The following KCNQ1 variants were observed in gnomAD, a reference collection of about 807,000 sequenced individuals.
KCNQ1 encodes the protein potassium voltage-gated channel subfamily KQT member 1.
Under a neutral mutation model 72.4 loss-of-function variants are expected in KCNQ1, and 49 were observed. That is an observed-to-expected ratio of 0.68 (90% confidence interval 0.54 to 0.86). The LOEUF (loss-of-function observed/expected upper bound fraction) is 0.86, where lower values mean the gene tolerates loss of function less well. Ranked by LOEUF, KCNQ1 falls within the 40% of genes least tolerant of loss-of-function variation. KCNQ1 has a pLI of 0.00. For synonymous variants in KCNQ1, 450 were observed against 412.6 expected (o/e 1.09, Z -1.10); for missense variants, 790 against 945.1 (o/e 0.84, Z 2.15).
chr11:2,675,746 G>A (rs1850282134), intron 11 of KCNQ1: 1 of 398,574 alleles, frequency 2.5e-6, no homozygotes, highest in Non-Finnish European at 4.4e-6. Flanking sequence ...AGAGTGACAT[G>A]AACCAGAGAC....
intron 2 of KCNQ1, among the ~76,000 whole-genome samples, chr11:2,561,074 C>T (rs867300614): frequency 4.0e-5 from 6 of 151,480 alleles, no homozygotes; most frequent in East Asian, 3.9e-4. Flanking sequence ...AGGTGGCGGG[C>T]GCCTGTAGTC....
intron 1 of KCNQ1, among the ~76,000 whole-genome samples, chr11:2,474,052 G>A (rs575226307): frequency 1.3e-5 from 2 of 152,340 alleles, no homozygotes; most frequent in East Asian, 1.9e-4. Flanking sequence ...GCCTCCTACC[G>A]CTGGCCCAGT....
At chr11:2,825,212 C>T (rs1847815404) in intron 15 of KCNQ1, among the ~76,000 whole-genome samples, 1 of 152,218 alleles carries the variant, frequency 6.6e-6, no homozygotes, top group African/African-American at 2.4e-5. Flanking sequence ...CCCGACCCTG[C>T]TGTCGGGCGT....
chr11:2,729,560 G>A (rs1845818051), intron 11 of KCNQ1, among the ~76,000 whole-genome samples: 1 of 152,232 alleles, frequency 6.6e-6, no homozygotes, highest in Non-Finnish European at 1.5e-5. Context: ...AAAATGTTTG[G>A]AAAGAAAGTT....
At chr11:2,696,394 T>C (rs1363986241) in intron 11 of KCNQ1, 1 of 398,574 alleles carries the variant, frequency 2.5e-6, no homozygotes, top group Non-Finnish European at 4.4e-6. Context: ...CTTTATCACA[T>C]GTCCCCTTCC....
intron 13 of KCNQ1, 151 bp from the exon 14 acceptor site, chr11:2,776,835 C>T: frequency 2.6e-6 from 2 of 764,944 alleles, no homozygotes; most frequent in Non-Finnish European, 4.6e-6. Context: ...TTGGGAGTGA[C>T]CTGGCAGGCC....
At chr11:2,709,524 G>A (rs998110694) in intron 11 of KCNQ1, among the ~76,000 whole-genome samples, 5 of 151,982 alleles carry the variant, frequency 3.3e-5, no homozygotes, top group Admixed American at 6.5e-5. Flanking sequence ...TAAAGTGTAC[G>A]ATTCAACGGT....
At chr11:2,511,057 A>G (rs1847191557) in intron 1 of KCNQ1, among the ~76,000 whole-genome samples, 2 of 151,774 alleles carry the variant, frequency 1.3e-5, no homozygotes. Flanking sequence ...GTGTTCATTT[A>G]CGGTTTATTT....
rs1042357791 is a variant in KCNQ1, at chr11:2,458,409, C to G, written c.386+12925C>G. 1.2e-4 allele frequency among the ~76,000 whole-genome samples: 19 copies of G among 152,344 alleles called. No individual in the cohort carries two copies. The highest frequency in any genetic ancestry group is 1.0e-3 in the Admixed American group (16 of 15,302). On this transcript the variant is annotated intron_variant, in intron 1 of 15. Transcript: ENST00000155840. This position sits in a 1 kb window ranked among gnomAD's most constrained non-coding sequence, Gnocchi z 4.6. ...GACATGTGTCCCAGTCGTGATTAAC[C>G]TGTGAACTGTAACTCGGGGAAACCC...
chr11:2,811,613 C>T (rs1266316525), intron 15 of KCNQ1, among the ~76,000 whole-genome samples: 1 of 152,248 alleles, frequency 6.6e-6, no homozygotes. Context: ...CTTCTGTGAT[C>T]GTCCTCCTTC....
At chr11:2,747,489 G>A (rs1846159337) in intron 11 of KCNQ1, among the ~76,000 whole-genome samples, 1 of 152,212 alleles carries the variant, frequency 6.6e-6, no homozygotes, top group African/African-American at 2.4e-5. Context: ...TGCTGGCCTG[G>A]GCTGGGGCTG....
intron 10 of KCNQ1, chr11:2,609,371 A>T (rs1820304234): frequency 7.5e-6 from 3 of 398,438 alleles, no homozygotes; most frequent in Non-Finnish European, 1.3e-5. Context: ...ATTTCATTAT[A>T]TTCAGAAAAA....
rs1174180613 is a variant in KCNQ1, at chr11:2,588,174, G to A, written c.1251+482G>A. ...GGCAGAAGTCTTGTGACATGGCTGG[G>A]GTCATAAGGGGTTGGGGCTGACGCT... On this transcript the variant is annotated intron_variant, in intron 9 of 15. Transcript: ENST00000155840. This position sits in a 1 kb window ranked among gnomAD's most constrained non-coding sequence, Gnocchi z 5.6. Among the ~76,000 whole-genome samples, 1 of 152,080 alleles carries A rather than the reference G, an allele frequency of 6.6e-6. No individual in the cohort carries two copies.
At position 2,725,206 on chromosome 11, in the gene KCNQ1, G is replaced by GA. The variant is rs2133934540; in HGVS notation, c.1515-43637dup. Among the ~76,000 whole-genome samples, 1 of 152,348 alleles carries GA rather than the reference G, an allele frequency of 6.6e-6. No homozygotes were observed. Among genetic ancestry groups the GA allele is most frequent in the East Asian group, 1.9e-4 (1 of 5,182 alleles). The stretch of plus-strand genomic sequence containing the variant: ...GGAAGCCGACGGCCATCTGTGCTCA[G>GA]ACCCAGTGGTGAGCCTAAGACAAGT... On this transcript the variant is annotated intron_variant, in intron 11 of 15. Transcript: ENST00000155840. This position sits in a 1 kb window ranked among gnomAD's most constrained non-coding sequence, Gnocchi z 7.2.
intron 10 of KCNQ1, chr11:2,639,319 T>A (rs1395696236): frequency 1.3e-5 from 2 of 152,262 alleles, no homozygotes; most frequent in African/African-American, 4.8e-5. Context: ...GCTTTTCTGC[T>A]GTTTTTTCCC....
At position 2,623,767 on chromosome 11, in the gene KCNQ1, C is replaced by A. The variant is rs1285982589; in HGVS notation, c.1393+34913C>A. ...ATTTTTATGTGAATATAAGTCTTCA[C>A]CTCCTTTGAGTAAATACCAAGGATG... On this transcript the variant is annotated intron_variant, in intron 10 of 15. Transcript: ENST00000155840. The surrounding 1 kb of genome is among the most constrained non-coding windows in gnomAD (Gnocchi z 5.2). 1 of 398,382 alleles carries A rather than the reference C, an allele frequency of 2.5e-6. No individual in the cohort carries two copies. The highest frequency in any genetic ancestry group is 4.4e-6 in the Non-Finnish European group (1 of 226,028). The allele number at this position is 398,382 out of a possible 1,614,324, so 24.7% of individuals were successfully genotyped here.
In KCNQ1 at chr11:2,723,566, G is replaced by T. The variant is rs577662617; in HGVS notation, c.1515-45278G>T. Among the ~76,000 whole-genome samples the T allele has an allele frequency of 6.6e-6, 1 of 152,352 alleles. No homozygotes were observed. The highest frequency in any genetic ancestry group is 2.1e-4 in the South Asian group (1 of 4,828). ...GTGGGCCTGGAGGCAGTGGCATTTA[G>T]AGAGGACCCTGAAGTCCAAAGAGGG... On this transcript the variant is annotated intron_variant, in intron 11 of 15. Coordinates refer to ENST00000155840, the MANE Select transcript of KCNQ1 (RefSeq NM_000218.3). This position sits in a 1 kb window ranked among gnomAD's most constrained non-coding sequence, Gnocchi z 4.2.
At chr11:2,834,123 C>T (rs557588718) in intron 15 of KCNQ1, among the ~76,000 whole-genome samples, 11 of 152,308 alleles carry the variant, frequency 7.2e-5, no homozygotes, top group South Asian at 6.2e-4. Flanking sequence ...CTGTGCCTGG[C>T]GTGGCTGTGT....
Position 2,758,362 on chromosome 11 carries a change from C to T in KCNQ1, c.1515-10482C>T, listed in dbSNP as rs188211217. Among the ~76,000 whole-genome samples, 273 of 152,308 alleles carry T rather than the reference C, an allele frequency of 1.8e-3. 4 individuals are homozygous for T. The South Asian group carries it at 0.042, about 23-fold the overall frequency. On this transcript the variant is annotated intron_variant, in intron 11 of 15. Coordinates refer to ENST00000155840, the MANE Select transcript of KCNQ1 (RefSeq NM_000218.3). ...TTAAAACCACAGTGAGCGGTCACTA[C>T]GCACCTATCAGAATGGCTAAAATGA...
Sources: allele counts gnomAD v4.1 joint callset (sites outside exome capture counted in the v4.1 genomes callset), GRCh38; gene constraint gnomAD v4.1.1; non-coding constraint Gnocchi (gnomAD v3.1); transcripts MANE v1.5; gene names NCBI Gene and HGNC (gene_info 2026-07-23, HGNC 2026-07-21).